PHF21A: variants seen among roughly 807,000 people sequenced by gnomAD.
PHF21A encodes the protein PHD finger protein 21A.
PHF21A carries 11 observed loss-of-function variants against 82.5 expected under a neutral mutation model. The observed-to-expected ratio is 0.13, with a 90% CI of 0.08 to 0.22. The LOEUF is 0.22. Among genes scored for constraint, PHF21A ranks in the 10% least tolerant of loss-of-function variants. The pLI is 1.00. For synonymous variants in PHF21A, 297 were observed against 302.8 expected, an observed-to-expected ratio of 0.98 and a Z score of 0.20; for missense variants, 579 against 837.8, an observed-to-expected ratio of 0.69 and a Z score of 3.81.
At chr11:46,031,578 T>G (rs2095867289) in intron 6 of PHF21A, among the ~76,000 whole-genome samples, 1 of 152,228 alleles carries the variant, frequency 6.6e-6, no homozygotes, top group African/African-American at 2.4e-5. Flanking sequence ...ATTCTTTTTC[T>G]TAAAAGTTGA....
intron 11 of PHF21A, among the ~76,000 whole-genome samples, chr11:45,951,565 G>A (rs1307362865): frequency 6.6e-6 from 1 of 152,272 alleles, no homozygotes; most frequent in East Asian, 1.9e-4. Flanking sequence ...TACACTTTGT[G>A]GTTGCCAACT....
chr11:46,070,419 C>T (rs1464744378), intron 6 of PHF21A, among the ~76,000 whole-genome samples: 1 of 152,060 alleles, frequency 6.6e-6, no homozygotes, highest in Non-Finnish European at 1.5e-5. Flanking sequence ...CAGCCTCTGC[C>T]TCCAGGGTTC....
At chr11:45,946,059 A>G (rs2091248278) in intron 14 of PHF21A, 56 bp from the exon 15 acceptor site, 1 of 1,613,742 alleles carries the variant, frequency 6.2e-7, no homozygotes, top group Non-Finnish European at 8.5e-7. Context: ...AGAGAGGGGG[A>G]AAATGATCTT....
chr11:45,994,041 G>A (rs2094815785), intron 6 of PHF21A, among the ~76,000 whole-genome samples: 2 of 152,160 alleles, frequency 1.3e-5, no homozygotes, highest in Non-Finnish European at 2.9e-5. Context: ...CAGCTGAGCA[G>A]GGATAAATGC....
At position 46,027,348 on chromosome 11, in the gene PHF21A, G is replaced by A. The variant is rs184948194; in HGVS notation, c.154-47382C>T. Reference sequence around the variant, plus strand: ...TTTACCTTATTTATACATGTATAAGGGGTTTAACAGGTTTGCACTCCTGCA... The same window carrying A: ...TTTACCTTATTTATACATGTATAAGAGGTTTAACAGGTTTGCACTCCTGCA... On this transcript the variant is annotated intron_variant, in intron 6 of 18. Coordinates refer to ENST00000676320, the MANE Select transcript of PHF21A (RefSeq NM_001352027.3). 2.8e-4 allele frequency among the ~76,000 whole-genome samples: 43 copies of A among 152,232 alleles called. 1 individual carries two copies. The highest frequency in any genetic ancestry group is 3.4e-3 in the Middle Eastern group (1 of 294).
intron 6 of PHF21A, among the ~76,000 whole-genome samples, chr11:46,074,465 G>T (rs531558125): frequency 2.6e-5 from 4 of 151,736 alleles, no homozygotes; most frequent in South Asian, 4.2e-4. Flanking sequence ...TGGCGGGAGG[G>T]GGGAAGGCAT....
intron 6 of PHF21A, among the ~76,000 whole-genome samples, chr11:45,983,524 G>A (rs2094383873): frequency 6.6e-6 from 1 of 152,062 alleles, no homozygotes; most frequent in South Asian, 2.1e-4. Context: ...TCAAGATTTT[G>A]AGGAAGCACT....
intron 6 of PHF21A, among the ~76,000 whole-genome samples, chr11:46,041,729 T>C (rs556294749): frequency 9.2e-5 from 14 of 152,338 alleles, no homozygotes; most frequent in East Asian, 7.7e-4. Context: ...TAAAAGTTCA[T>C]AGTATAGTGA....
intron 6 of PHF21A, among the ~76,000 whole-genome samples, chr11:46,052,298 CAA>C (rs901852599): frequency 1.4e-4 from 21 of 152,296 alleles, no homozygotes; most frequent in African/African-American, 5.1e-4. Flanking sequence ...CAAATGAAGC[CAA>C]AAGAGGGAGA....
chr11:46,050,471 C>A (rs1053581918), intron 6 of PHF21A, among the ~76,000 whole-genome samples: 13 of 151,996 alleles, frequency 8.6e-5, no homozygotes, highest in African/African-American at 3.1e-4. Flanking sequence ...CCATAGCTGC[C>A]GAATCACAGA....
chr11:46,032,603 AG>A (rs1250732570), intron 6 of PHF21A, among the ~76,000 whole-genome samples: 54 of 152,318 alleles, frequency 3.5e-4, no homozygotes, highest in African/African-American at 1.3e-3. Context: ...GCTGGGTTAA[AG>A]GGTAGCCTAA....
At chr11:46,051,436 T>C (rs1312081740) in intron 6 of PHF21A, among the ~76,000 whole-genome samples, 1 of 152,146 alleles carries the variant, frequency 6.6e-6, no homozygotes, top group Non-Finnish European at 1.5e-5. Flanking sequence ...TCCATTCTCA[T>C]ACCATCTTGG....
intron 12 of PHF21A, among the ~76,000 whole-genome samples, 193 bp from the exon 13 acceptor site, chr11:45,949,674 A>T (rs572169383): frequency 6.6e-6 from 1 of 152,346 alleles, no homozygotes; most frequent in East Asian, 1.9e-4. Flanking sequence ...CACCTGCAAG[A>T]CCACGCTGTC....
intron 6 of PHF21A, among the ~76,000 whole-genome samples, chr11:46,014,424 TAG>T (rs1277848262): frequency 2.0e-5 from 3 of 152,230 alleles, no homozygotes; most frequent in Non-Finnish European, 2.9e-5. Context: ...GATGGACACC[TAG>T]GTTGATTCCA....
chr11:46,062,413 A>G (rs939964073), intron 6 of PHF21A, among the ~76,000 whole-genome samples: 3 of 151,850 alleles, frequency 2.0e-5, no homozygotes, highest in South Asian at 2.1e-4. Flanking sequence ...TCTTCCATCT[A>G]TTTATTGAGA....
At chr11:45,970,006 C>G (rs2093658254) in intron 8 of PHF21A, 102 bp from the exon 9 acceptor site, 1 of 819,158 alleles carries the variant, frequency 1.2e-6, no homozygotes, top group Admixed American at 2.2e-5. Context: ...ACAATATTTT[C>G]TACAAGCTTT....
At chr11:46,028,125 T>TA (rs1219196387) in intron 6 of PHF21A, among the ~76,000 whole-genome samples, 1 of 151,838 alleles carries the variant, frequency 6.6e-6, no homozygotes, top group Non-Finnish European at 1.5e-5. Flanking sequence ...CTTGAGGGGA[T>TA]ACAACAAAAA....
chr11:46,110,313 C>T (rs2135986620), intron 1 of PHF21A, among the ~76,000 whole-genome samples: 1 of 152,266 alleles, frequency 6.6e-6, no homozygotes, highest in South Asian at 2.1e-4. Context: ...CAGGAGTACA[C>T]TTAAGACCAA....
Position 46,106,451 on chromosome 11 carries a change from C to A in PHF21A, c.-236-14228G>T, listed in dbSNP as rs531477737. Among the ~76,000 whole-genome samples, 97 of 152,250 alleles carry A rather than the reference C, an allele frequency of 6.4e-4. 1 individual carries two copies. Among genetic ancestry groups the A allele is most frequent in the South Asian group, 4.8e-3 (23 of 4,830 alleles). ...GTATCAAGTCCTGATAAGTTAACGGCATCTGTTCCTTTCAGAAAAAGAATT... is the reference window on the plus strand; with the variant it reads ...GTATCAAGTCCTGATAAGTTAACGGAATCTGTTCCTTTCAGAAAAAGAATT... On this transcript the variant is annotated intron_variant, in intron 1 of 18. Coordinates refer to ENST00000676320, the MANE Select transcript of PHF21A (RefSeq NM_001352027.3).
Sources: allele counts gnomAD v4.1 joint callset (sites outside exome capture counted in the v4.1 genomes callset), GRCh38; gene constraint gnomAD v4.1.1; transcripts MANE v1.5; gene names NCBI Gene and HGNC (gene_info 2026-07-23, HGNC 2026-07-21).